The following THEMIS variants were observed in gnomAD, a reference collection of about 807,000 sequenced individuals.
THEMIS encodes thymocyte selection associated.
A neutral mutation model predicts 52.6 loss-of-function variants in THEMIS; 37 were observed. The ratio of observed to expected loss-of-function variants is 0.70; its 90% CI spans 0.54 to 0.93. The LOEUF (loss-of-function observed/expected upper bound fraction) is 0.93. THEMIS is among the 40% of genes least tolerant of loss of function. The probability of loss-of-function intolerance (pLI) is 0.00; values close to 1 mark genes in which losing one functional copy is unlikely to be tolerated. For synonymous variants in THEMIS, 292 were observed against 272.7 expected (o/e 1.07, Z -0.70); for missense variants, 808 against 763.1 (o/e 1.06, Z -0.69).
In THEMIS at chr6:127,708,250, C is replaced by T. The variant is rs1223873421; in HGVS notation, c.*1735G>A. On this transcript the variant is annotated 3_prime_UTR_variant, in exon 6 of 6. Coordinates refer to ENST00000368248, the MANE Select transcript of THEMIS (RefSeq NM_001010923.3). Reference sequence around the variant, plus strand: ...CCTTCCCAAATCTCCAATAGGTGAGCATGAAGTTTATTACACTTTTCAATA... The same window carrying T: ...CCTTCCCAAATCTCCAATAGGTGAGTATGAAGTTTATTACACTTTTCAATA... 1 of 152,020 alleles carries T rather than the reference C, an allele frequency of 6.6e-6. No individual in the cohort carries two copies. The highest frequency in any genetic ancestry group is 2.4e-5 in the African/African-American group (1 of 41,394). The allele number at this position is 152,020 out of a possible 1,614,324, so 9.4% of individuals were successfully genotyped here. A position where few individuals can be genotyped will look rare whatever the true frequency, so the allele number is the denominator to read the frequency against.
At chr6:127,867,345 TTC>T (rs1046941602) in intron 1 of THEMIS, among the ~76,000 whole-genome samples, 29 of 152,210 alleles carry the variant, frequency 1.9e-4, no homozygotes, top group African/African-American at 7.0e-4. Context: ...AAATGCTTAT[TTC>T]TCTCTCTCAA....
intron 4 of THEMIS, among the ~76,000 whole-genome samples, chr6:127,759,678 G>C (rs270009): frequency 0.47 from 71,782 of 151,828 alleles, 17,897 homozygotes; most frequent in Non-Finnish European, 0.53. Context: ...CACATCTATC[G>C]CTACATCCCT....
chr6:127,704,718 G>T (rs1350038935), downstream of THEMIS, among the ~76,000 whole-genome samples: 5 of 152,300 alleles, frequency 3.3e-5, no homozygotes, highest in South Asian at 4.1e-4. Context: ...TACAAGACTG[G>T]GGTGGAGCAG....
chr6:127,777,737 T>C (rs2114468005), intron 4 of THEMIS, among the ~76,000 whole-genome samples: 1 of 152,286 alleles, frequency 6.6e-6, no homozygotes, highest in Middle Eastern at 3.4e-3. Context: ...ATTCAATTAA[T>C]AATTATTTAT....
At chr6:127,774,420 T>C (rs1252527839) in intron 4 of THEMIS, among the ~76,000 whole-genome samples, 1 of 152,132 alleles carries the variant, frequency 6.6e-6, no homozygotes, top group East Asian at 1.9e-4. Flanking sequence ...TTAGCCAGGA[T>C]GGTCTCGATC....
At chr6:127,718,260 A>G (rs1378447287) in intron 5 of THEMIS, among the ~76,000 whole-genome samples, 2 of 151,940 alleles carry the variant, frequency 1.3e-5, no homozygotes, top group South Asian at 2.1e-4. Flanking sequence ...AAATAAATGC[A>G]TGTTAAAATC....
At position 127,859,689 on chromosome 6, in the gene THEMIS, G is replaced by A. The variant is rs116741537; in HGVS notation, c.92-4501C>T. On this transcript the variant is annotated intron_variant, in intron 1 of 5. Coordinates refer to ENST00000368248, the MANE Select transcript of THEMIS (RefSeq NM_001010923.3). Reference sequence around the variant, plus strand: ...AAATATACAAGTGAAGTATATACAAGCTGACTATGTTGTGAATTCTCTAGA... The same window carrying A: ...AAATATACAAGTGAAGTATATACAAACTGACTATGTTGTGAATTCTCTAGA... 5.0e-3 allele frequency among the ~76,000 whole-genome samples: 759 copies of A among 152,198 alleles called. 6 individuals are homozygous for A. Among genetic ancestry groups the A allele is most frequent in the African/African-American group, 0.018 (727 of 41,538 alleles).
At chr6:127,732,134 C>T (rs926752824) in intron 4 of THEMIS, among the ~76,000 whole-genome samples, 3 of 151,436 alleles carry the variant, frequency 2.0e-5, no homozygotes, top group Non-Finnish European at 2.9e-5. Flanking sequence ...TTCATATTCT[C>T]GTTGCTCAGT....
In THEMIS at chr6:127,731,864, ATTTTTTT is replaced by A. The variant is rs58263706; in HGVS notation, c.1759-12048_1759-12042del. ...AGGTGCATGCCACCATGCCCGGCTA[ATTTTTTT>A]TTTTTTTTTTTTTTTTAGTAGAGAT... On this transcript the variant is annotated intron_variant, in intron 4 of 5. Coordinates refer to ENST00000368248, the MANE Select transcript of THEMIS (RefSeq NM_001010923.3). 1.2e-3 allele frequency among the ~76,000 whole-genome samples: 52 copies of A among 41,716 alleles called. 6 individuals carry two copies. In the South Asian group the frequency reaches 0.03, roughly 24 times the overall value. The allele number at this position is 41,716 out of a possible 152,430, so 27.4% of individuals were successfully genotyped here. A position where few individuals can be genotyped will look rare whatever the true frequency, so the allele number is the denominator to read the frequency against.
chr6:127,813,453 C>G lies in THEMIS; in HGVS notation c.1188G>C (p.Thr396=), dbSNP rs1286808948. 6 of 1,614,026 alleles carry G rather than the reference C, an allele frequency of 3.7e-6. No homozygotes were observed. Among genetic ancestry groups the G allele is most frequent in the Non-Finnish European group, 3.4e-6 (4 of 1,179,986 alleles). ...TTATTCCCTCACAGAGGACTTCAGT[C>G]GTCTCTGACTGATGCACCAGAAACT... ...GDQFLVHQSE[T]TEVLCEGIKK... is the part of the protein sequence containing the mutation. The change falls in exon 4 of 6, where the codon ACG becomes ACC. Residue 396 remains threonine, a synonymous_variant. Transcript: ENST00000368248.
chr6:127,846,554 C>T (rs570631308), intron 2 of THEMIS, among the ~76,000 whole-genome samples: 12 of 151,854 alleles, frequency 7.9e-5, no homozygotes, highest in Non-Finnish European at 1.3e-4. Context: ...TGGATAAATA[C>T]CTGGAAGCAT....
intron 3 of THEMIS, 40 bp from the exon 4 acceptor site, chr6:127,813,971 T>C (rs1778039335): frequency 6.7e-7 from 1 of 1,484,414 alleles, no homozygotes; most frequent in African/African-American, 1.4e-5. Flanking sequence ...TTTTTGTACT[T>C]CAAAACGTTT....
intron 4 of THEMIS, among the ~76,000 whole-genome samples, chr6:127,738,092 C>T (rs1019974168): frequency 6.6e-6 from 1 of 152,058 alleles, no homozygotes; most frequent in African/African-American, 2.4e-5. Context: ...CGGGTAAATC[C>T]TACCCTGGCC....
chr6:127,879,138 A>C (rs1405776949), intron 1 of THEMIS, among the ~76,000 whole-genome samples: 1 of 152,228 alleles, frequency 6.6e-6, no homozygotes, highest in Non-Finnish European at 1.5e-5. Context: ...TGCACAGAGG[A>C]AAATGTTCTC....
At chr6:127,737,780 G>A (rs1230453883) in intron 4 of THEMIS, among the ~76,000 whole-genome samples, 2 of 152,174 alleles carry the variant, frequency 1.3e-5, no homozygotes, top group East Asian at 3.8e-4. Flanking sequence ...TACTACTAGA[G>A]AGAACCTTAA....
At chr6:127,817,119 T>C (rs1398947054) in intron 3 of THEMIS, among the ~76,000 whole-genome samples, 1 of 152,248 alleles carries the variant, frequency 6.6e-6, no homozygotes, top group East Asian at 1.9e-4. Context: ...GAACATTTTC[T>C]ATTTTTGTTT....
intron 2 of THEMIS, among the ~76,000 whole-genome samples, chr6:127,852,047 A>C (rs1779444517): frequency 6.6e-6 from 1 of 151,678 alleles, no homozygotes; most frequent in South Asian, 2.1e-4. Context: ...AAAGAATAAA[A>C]GATGAGAGAC....
chr6:127,897,946 A>AAAT (rs148044377), intron 1 of THEMIS, among the ~76,000 whole-genome samples: 3,798 of 151,834 alleles, frequency 0.025, 178 homozygotes, highest in African/African-American at 0.087. Context: ...CATACACTGA[A>AAAT]AATGAATGAA....
intron 2 of THEMIS, among the ~76,000 whole-genome samples, chr6:127,853,817 C>T (rs1232785210): frequency 6.6e-6 from 1 of 151,514 alleles, no homozygotes; most frequent in East Asian, 1.9e-4. Flanking sequence ...TATTATTATT[C>T]CCATTTTACA....
Sources: allele counts gnomAD v4.1 joint callset (sites outside exome capture counted in the v4.1 genomes callset), GRCh38; gene constraint gnomAD v4.1.1; transcripts MANE v1.5; gene names NCBI Gene and HGNC (gene_info 2026-07-23, HGNC 2026-07-21).